The following MIPEP variants were observed in gnomAD, a reference collection of about 807,000 sequenced individuals.
MIPEP encodes mitochondrial intermediate peptidase.
A neutral mutation model predicts 90.3 loss-of-function variants in MIPEP; 79 were observed. The ratio of observed to expected loss-of-function variants is 0.87; its 90% CI spans 0.73 to 1.05. The LOEUF is 1.05. Ranked by LOEUF, MIPEP falls within the 50% of genes least tolerant of loss-of-function variation. The pLI is 0.00. For synonymous variants in MIPEP, 334 were observed against 315.8 expected (o/e 1.06, Z -0.61); for missense variants, 940 against 905.6 (o/e 1.04, Z -0.49).
At chr13:23,740,605 C>T (rs553400741) in intron 18 of MIPEP, among the ~76,000 whole-genome samples, 3 of 152,156 alleles carry the variant, frequency 2.0e-5, no homozygotes, top group South Asian at 2.1e-4. Flanking sequence ...CTCTGTAGAC[C>T]CAGGATTTGT....
intron 16 of MIPEP, among the ~76,000 whole-genome samples, chr13:23,795,963 C>A (rs1952955035): frequency 6.6e-6 from 1 of 151,920 alleles, no homozygotes; most frequent in African/African-American, 2.4e-5. Flanking sequence ...CCAATGCACT[C>A]CAGCCTAAGT....
intron 16 of MIPEP, among the ~76,000 whole-genome samples, chr13:23,762,675 G>C (rs543678469): frequency 6.6e-6 from 1 of 152,190 alleles, no homozygotes; most frequent in Non-Finnish European, 1.5e-5. Context: ...TCAGAAGTGT[G>C]GGCCTGTAAT....
At chr13:23,856,345 G>A (rs1015704703) in intron 10 of MIPEP, among the ~76,000 whole-genome samples, 5 of 152,238 alleles carry the variant, frequency 3.3e-5, no homozygotes, top group African/African-American at 9.6e-5. Context: ...TGTGGAGGAA[G>A]AGCAGCGGTG....
At chr13:23,840,552 T>C (rs1180997646) in intron 11 of MIPEP, among the ~76,000 whole-genome samples, 1 of 152,174 alleles carries the variant, frequency 6.6e-6, no homozygotes, top group African/African-American at 2.4e-5. Flanking sequence ...TTTTTGGAAG[T>C]TTGTAATACA....
intron 16 of MIPEP, among the ~76,000 whole-genome samples, chr13:23,785,220 C>T (rs1236196515): frequency 6.6e-6 from 1 of 152,068 alleles, no homozygotes; most frequent in African/African-American, 2.4e-5. Context: ...TTCACAATAG[C>T]AAAGACTTGG....
intron 12 of MIPEP, 95 bp from the exon 13 acceptor site, chr13:23,837,851 G>A (rs1740403501): frequency 1.1e-6 from 1 of 877,238 alleles, no homozygotes; most frequent in East Asian, 2.6e-5. Flanking sequence ...CCAAAAATGT[G>A]TGAGTGCAAA....
rs533035372 is a variant in MIPEP at position 23,867,034 on chromosome 13, T to C, written c.943+2258A>G. Among the ~76,000 whole-genome samples, 8 of 151,900 alleles carry C rather than the reference T, an allele frequency of 5.3e-5. No homozygotes were observed. In the South Asian group the frequency reaches 1.7e-3, roughly 32 times the overall value. On this transcript the variant is annotated intron_variant, in intron 7 of 18. Transcript: ENST00000382172. Reference sequence around the variant, plus strand: ...GTCAAGATGCCAACACTTCTCATCATGGTTACTGCAAAACAGCATCTAAAC... The same window carrying C: ...GTCAAGATGCCAACACTTCTCATCACGGTTACTGCAAAACAGCATCTAAAC...
At chr13:23,751,984 T>C (rs966293468) in intron 18 of MIPEP, among the ~76,000 whole-genome samples, 1 of 151,744 alleles carries the variant, frequency 6.6e-6, no homozygotes, top group Non-Finnish European at 1.5e-5. Context: ...CCCACATTGC[T>C]TACATCTCTT....
At chr13:23,766,186 ATTATTTGATAGATGATGTAAGG>A (rs1198077764) in intron 16 of MIPEP, 1 of 152,214 alleles carries the variant, frequency 6.6e-6, no homozygotes. Flanking sequence ...CTTTGACTAC[ATTATTTGATAGATGATGTAAGG>A]TTTCTCAGGC....
At chr13:23,872,041 T>C (rs552237052) in intron 5 of MIPEP, among the ~76,000 whole-genome samples, 15 of 152,236 alleles carry the variant, frequency 9.9e-5, no homozygotes, top group African/African-American at 2.2e-4. Context: ...CATCATTCTG[T>C]GGTAACAATG....
intron 16 of MIPEP, among the ~76,000 whole-genome samples, chr13:23,789,279 A>C (rs1952877982): frequency 6.6e-6 from 1 of 152,072 alleles, no homozygotes; most frequent in Admixed American, 6.5e-5. Flanking sequence ...CAAATCTACT[A>C]CTCTTTGCAT....
intron 16 of MIPEP, among the ~76,000 whole-genome samples, chr13:23,780,153 C>T (rs1246482487): frequency 2.6e-5 from 4 of 152,246 alleles, no homozygotes; most frequent in Non-Finnish European, 5.9e-5. Context: ...GACAGACTGC[C>T]TCCTCAAGTG....
intron 12 of MIPEP, among the ~76,000 whole-genome samples, chr13:23,838,458 T>C (rs1869154659): frequency 6.6e-6 from 1 of 152,142 alleles, no homozygotes; most frequent in Non-Finnish European, 1.5e-5. Context: ...TCTCTTGACT[T>C]TTATCACTTG....
At chr13:23,774,784 CTTTTTTTTTTTTTTT>C (rs67628137) in intron 16 of MIPEP, among the ~76,000 whole-genome samples, 6 of 68,250 alleles carry the variant, frequency 8.8e-5, no homozygotes, top group South Asian at 6.8e-4. Context: ...TTTATCAGTT[CTTTTTTTTTTTTTTT>C]TTTTTTTTTT....
Position 23,886,463 on chromosome 13 carries a change from T to C in MIPEP, c.233A>G (p.His78Arg). 3 of 1,603,578 alleles carry C rather than the reference T, an allele frequency of 1.9e-6. No individual in the cohort carries two copies. The highest frequency in any genetic ancestry group is 2.3e-5 in the East Asian group (1 of 43,954). Residue 78 changes from histidine to arginine, a missense_variant, in exon 2 of 19, where the codon CAT becomes CGT. Coordinates refer to ENST00000382172, the MANE Select transcript of MIPEP (RefSeq NM_005932.4). ...VPELSAPEGF[H>R]IAQEKALRKT... Reference sequence around the variant, plus strand: ...TCTCAAGGCTTTTTCTTGTGCAATATGAAATCCTTCTGGGGCACTCAGCTC... The same window carrying C: ...TCTCAAGGCTTTTTCTTGTGCAATACGAAATCCTTCTGGGGCACTCAGCTC...
In MIPEP at chr13:23,809,759, A is replaced by G. The variant is rs749069214; in HGVS notation, c.1728+91T>C. Reference sequence around the variant, plus strand: ...GATGTTTTAGAAGCATAATTATTATAATAAATAGGTATCATTGGCAAGAAT... The same window carrying G: ...GATGTTTTAGAAGCATAATTATTATGATAAATAGGTATCATTGGCAAGAAT... On this transcript the variant is annotated intron_variant, in intron 15 of 18. Coordinates refer to ENST00000382172, the MANE Select transcript of MIPEP (RefSeq NM_005932.4). 27 of 813,426 alleles carry G rather than the reference A, an allele frequency of 3.3e-5. No homozygotes were observed. The South Asian group carries it at 3.7e-4, about 11-fold the overall frequency. 50.4% of individuals were successfully genotyped at this position (813,426 alleles called of 1,614,324 possible).
intron 14 of MIPEP, among the ~76,000 whole-genome samples, chr13:23,822,318 T>C (rs967594314): frequency 6.6e-6 from 1 of 152,216 alleles, no homozygotes; most frequent in African/African-American, 2.4e-5. Flanking sequence ...GATTTGACTA[T>C]ATGACTATAA....
chr13:23,813,503 T>C (rs1442582797), intron 14 of MIPEP, among the ~76,000 whole-genome samples: 1 of 152,222 alleles, frequency 6.6e-6, no homozygotes, highest in African/African-American at 2.4e-5. Context: ...AAAAAGTCTG[T>C]ACATGTTCAG....
intron 11 of MIPEP, among the ~76,000 whole-genome samples, chr13:23,840,860 G>A (rs1869265385): frequency 6.6e-6 from 1 of 152,146 alleles, no homozygotes. Flanking sequence ...AAAGATGATT[G>A]CTAGGTTTGA....
Sources: gnomAD v4.1 joint callset for allele counts (sites outside exome capture counted in the v4.1 genomes callset) on GRCh38, gnomAD v4.1.1 for gene constraint, MANE v1.5 for transcripts, NCBI Gene and HGNC (gene_info 2026-07-23, HGNC 2026-07-21) for gene names.